BANK1: variants seen among roughly 807,000 people sequenced by gnomAD.
BANK1 encodes B cell scaffold protein with ankyrin repeats 1, also known as B-cell scaffold protein with ankyrin repeats.
In BANK1, 95 loss-of-function variants were observed where a neutral mutation model predicts 94.5. The observed-to-expected ratio is 1.00, with a 90% CI of 0.85 to 1.19. BANK1 has a LOEUF of 1.19. Ranked by LOEUF, BANK1 falls within the 50% of genes most tolerant of loss-of-function variation. The pLI is 0.00. For synonymous variants in BANK1, 334 were observed against 308.4 expected, an observed-to-expected ratio of 1.08 and a Z score of -0.87; for missense variants, 987 against 932.2, an observed-to-expected ratio of 1.06 and a Z score of -0.77.
intron 7 of BANK1, among the ~76,000 whole-genome samples, chr4:101,987,544 A>G (rs757709922): frequency 4.9e-4 from 74 of 152,274 alleles, no homozygotes; most frequent in Middle Eastern, 3.4e-3. Flanking sequence ...CCAATTACCA[A>G]TTAAGCTTAT....
chr4:101,949,192 C>G (rs1724046689), intron 7 of BANK1, among the ~76,000 whole-genome samples: 1 of 152,066 alleles, frequency 6.6e-6, no homozygotes, highest in Admixed American at 6.6e-5. Flanking sequence ...CATGTAGCTC[C>G]TGTATCTTCC....
chr4:101,981,746 T>C (rs145876602), intron 7 of BANK1: 142 of 152,272 alleles, frequency 9.3e-4, no homozygotes, highest in African/African-American at 3.3e-3. Flanking sequence ...TCTAAGCTAC[T>C]ATACTAGTTC....
At chr4:101,933,199 A>G (rs1210149400) in intron 7 of BANK1, among the ~76,000 whole-genome samples, 1 of 151,436 alleles carries the variant, frequency 6.6e-6, no homozygotes, top group Non-Finnish European at 1.5e-5. Flanking sequence ...GGATAGGACC[A>G]TAGAAAGGGA....
At chr4:101,884,255 A>G (rs899124140) in intron 5 of BANK1, among the ~76,000 whole-genome samples, 2 of 152,234 alleles carry the variant, frequency 1.3e-5, no homozygotes, top group Non-Finnish European at 1.5e-5. Context: ...GTTATGCTCA[A>G]GTCTTTCCTA....
chr4:101,940,649 G>A (rs772899258), intron 7 of BANK1, among the ~76,000 whole-genome samples: 1 of 151,704 alleles, frequency 6.6e-6, no homozygotes, highest in Non-Finnish European at 1.5e-5. Context: ...CAGATATTTT[G>A]CAGAACGTCC....
At chr4:101,839,910 T>C (rs540811988) in intron 2 of BANK1, among the ~76,000 whole-genome samples, 5 of 144,896 alleles carry the variant, frequency 3.5e-5, no homozygotes, top group Non-Finnish European at 7.6e-5. Context: ...CTTTCCAAGA[T>C]AGCTACTATA....
At chr4:101,830,757 T>C (rs540152662) in intron 2 of BANK1, among the ~76,000 whole-genome samples, 4 of 152,346 alleles carry the variant, frequency 2.6e-5, no homozygotes, top group South Asian at 4.1e-4. Flanking sequence ...CACAGTTTTA[T>C]TCTGCTAGGT....
intron 7 of BANK1, among the ~76,000 whole-genome samples, chr4:101,965,730 C>T (rs1724729416): frequency 6.6e-6 from 1 of 152,030 alleles, no homozygotes. Flanking sequence ...GTTGGACATT[C>T]ACTGAGGTAG....
intron 7 of BANK1, among the ~76,000 whole-genome samples, chr4:101,924,148 A>C (rs1278232816): frequency 6.6e-6 from 1 of 151,816 alleles, no homozygotes; most frequent in Non-Finnish European, 1.5e-5. Flanking sequence ...TAATTTTATG[A>C]GATGTAATAT....
At chr4:102,047,462 G>A (rs897703373) in intron 11 of BANK1, among the ~76,000 whole-genome samples, 3 of 152,010 alleles carry the variant, frequency 2.0e-5, no homozygotes. Context: ...TCCTCCCACT[G>A]TGCCTTTAGC....
intron 7 of BANK1, among the ~76,000 whole-genome samples, chr4:101,945,954 C>T (rs1723912642): frequency 6.6e-6 from 1 of 151,992 alleles, no homozygotes; most frequent in South Asian, 2.1e-4. Flanking sequence ...GAGGGGGCTA[C>T]GTTTATCCAG....
At chr4:102,048,243 G>A (rs970636613) in intron 11 of BANK1, among the ~76,000 whole-genome samples, 16 of 152,070 alleles carry the variant, frequency 1.1e-4, no homozygotes, top group African/African-American at 3.4e-4. Context: ...AAGGACTAAG[G>A]AAACATCAAT....
chr4:101,954,921 A>T (rs947094006), intron 7 of BANK1, among the ~76,000 whole-genome samples: 1 of 152,172 alleles, frequency 6.6e-6, no homozygotes, highest in Non-Finnish European at 1.5e-5. Flanking sequence ...TCAGAGAGCA[A>T]GGTATGGCTT....
intron 6 of BANK1, among the ~76,000 whole-genome samples, chr4:101,913,591 C>T (rs549717002): frequency 1.2e-4 from 18 of 152,230 alleles, no homozygotes; most frequent in African/African-American, 4.3e-4. Context: ...ATCCCTAGCC[C>T]ACAGCCCTAG....
At chr4:102,031,465 GT>G (rs1182249311) in intron 10 of BANK1, among the ~76,000 whole-genome samples, 1 of 152,228 alleles carries the variant, frequency 6.6e-6, no homozygotes, top group Non-Finnish European at 1.5e-5. Flanking sequence ...TGTCAATTTT[GT>G]CTTTTGTTGT....
At chr4:101,992,462 A>AT (rs906375550) in intron 7 of BANK1, among the ~76,000 whole-genome samples, 6 of 152,060 alleles carry the variant, frequency 3.9e-5, no homozygotes, top group African/African-American at 9.7e-5. Flanking sequence ...TAAATTCAAA[A>AT]TTTTTTTACC....
At chr4:101,929,612 T>C (rs986016203) in intron 7 of BANK1, among the ~76,000 whole-genome samples, 1 of 151,588 alleles carries the variant, frequency 6.6e-6, no homozygotes, top group Non-Finnish European at 1.5e-5. Context: ...GGAATGAATA[T>C]ATGTACTATC....
At chr4:101,906,550 A>G (rs990829532) in intron 6 of BANK1, among the ~76,000 whole-genome samples, 5 of 152,174 alleles carry the variant, frequency 3.3e-5, no homozygotes, top group Non-Finnish European at 7.4e-5. Flanking sequence ...GCAGAAGGGT[A>G]GGGATGAACC....
intron 11 of BANK1, among the ~76,000 whole-genome samples, chr4:102,053,431 A>C (rs190258445): frequency 6.6e-6 from 1 of 152,268 alleles, no homozygotes; most frequent in Admixed American, 6.5e-5. Flanking sequence ...TCCATTAAAA[A>C]ATTAGAGAAT....
Sources: allele counts gnomAD v4.1 joint callset (sites outside exome capture counted in the v4.1 genomes callset), GRCh38; gene constraint gnomAD v4.1.1; transcripts MANE v1.5; gene names NCBI Gene and HGNC (gene_info 2026-07-23, HGNC 2026-07-21).